RGPD3: variants seen among roughly 807,000 people sequenced by gnomAD.
RGPD3 encodes RANBP2 like and GRIP domain containing 3, also known as ranBP2-like and GRIP domain-containing protein 3.
RGPD3 carries 62 observed loss-of-function variants against 154.5 expected under a neutral mutation model. The ratio of observed to expected loss-of-function variants is 0.40; its 90% CI spans 0.33 to 0.50. The LOEUF is 0.50. Ranked by LOEUF, RGPD3 falls within the 20% of genes least tolerant of loss-of-function variation. The pLI is 0.59. For synonymous variants in RGPD3, 308 were observed against 607.0 expected, an observed-to-expected ratio of 0.51 and a Z score of 7.24; for missense variants, 919 against 1,716.8, an observed-to-expected ratio of 0.54 and a Z score of 8.21.
At chr2:106,414,111 C>T (rs368695752) in intron 21 of RGPD3, among the ~76,000 whole-genome samples, 50 of 151,940 alleles carry the variant, frequency 3.3e-4, no homozygotes, top group African/African-American at 1.2e-3. Context: ...ATGTAAAACA[C>T]TATCAGAGAA....
At chr2:106,421,084 G>A (rs940064718) in intron 20 of RGPD3, among the ~76,000 whole-genome samples, 2 of 152,202 alleles carry the variant, frequency 1.3e-5, no homozygotes, top group African/African-American at 4.8e-5. Flanking sequence ...TCCTAGCTAG[G>A]AGAAATAACA....
At chr2:106,412,293 GTTTTTTTTTTTTTTTTTTTTTT>G (rs772813472) in intron 22 of RGPD3, among the ~76,000 whole-genome samples, 1 of 45,008 alleles carries the variant, frequency 2.2e-5, no homozygotes, top group African/African-American at 8.1e-5. Flanking sequence ...CTACATCATA[GTTTTTTTTTTTTTTTTTTTTTT>G]TTTTTTTTTT....
At chr2:106,410,047 T>C (rs2104441879) in intron 22 of RGPD3, among the ~76,000 whole-genome samples, 1 of 151,908 alleles carries the variant, frequency 6.6e-6, no homozygotes, top group East Asian at 2.0e-4. Context: ...AGCTAATTTT[T>C]GTATTCTGAG....
At chr2:106,412,336 T>C (rs1362913158) in intron 22 of RGPD3, among the ~76,000 whole-genome samples, 6 of 118,324 alleles carry the variant, frequency 5.1e-5, no homozygotes, top group South Asian at 3.1e-4. Flanking sequence ...TTTTTTGAGA[T>C]GGAGTCTCGC....
chr2:106,468,160 G>A lies in RGPD3; in HGVS notation c.72+57C>T, dbSNP rs1026040885. ...AGCCATCGAGGCCGCCGCCGGGCCGGGTCGAGGCCGCCGCCCGGCCAGGTC... is the reference window on the plus strand; with the variant it reads ...AGCCATCGAGGCCGCCGCCGGGCCGAGTCGAGGCCGCCGCCCGGCCAGGTC... On this transcript the variant is annotated intron_variant, in intron 1 of 22. Transcript: ENST00000409886. The A allele has an allele frequency of 7.8e-6, 12 of 1,541,820 alleles. No individual in the cohort carries two copies. In the African/African-American group the frequency reaches 1.3e-4, roughly 16 times the overall value.
upstream of RGPD3, among the ~76,000 whole-genome samples, chr2:106,469,577 C>G (rs956386980): frequency 6.6e-6 from 1 of 152,206 alleles, no homozygotes. Context: ...ACTCACATGT[C>G]CTTTAAATAC....
chr2:106,408,910 T>C (rs1000488209), intron 22 of RGPD3, among the ~76,000 whole-genome samples: 8 of 151,488 alleles, frequency 5.3e-5, no homozygotes, highest in African/African-American at 1.9e-4. Context: ...GATTCTGAAC[T>C]CCTGTTCTCA....
At chr2:106,429,417 T>C (rs2104466655) in intron 18 of RGPD3, among the ~76,000 whole-genome samples, 1 of 151,598 alleles carries the variant, frequency 6.6e-6, no homozygotes, top group East Asian at 1.9e-4. Flanking sequence ...GTGGATTAAG[T>C]GTTCTTTAAG....
chr2:106,446,468 G>C, intron 7 of RGPD3, among the ~76,000 whole-genome samples: 1 of 148,934 alleles, frequency 6.7e-6, no homozygotes, highest in South Asian at 2.1e-4. Context: ...TACTCAGGAG[G>C]CTGAGGCAGG....
chr2:106,426,184 A>T, intron 18 of RGPD3, 96 bp from the exon 19 acceptor site: 2 of 1,465,264 alleles, frequency 1.4e-6, no homozygotes, highest in South Asian at 2.5e-5. Flanking sequence ...AGCAATAGAA[A>T]TTAAAGAAAG....
chr2:106,459,408 T>C (rs1016124454), intron 1 of RGPD3, 76 bp from the exon 2 acceptor site: 6 of 654,648 alleles, frequency 9.2e-6, no homozygotes, highest in Non-Finnish European at 1.5e-5. Context: ...AGTAAAAATC[T>C]GCCCTAAGTT....
At chr2:106,466,056 C>T (rs1678568013) in intron 1 of RGPD3, among the ~76,000 whole-genome samples, 1 of 151,930 alleles carries the variant, frequency 6.6e-6, no homozygotes, top group South Asian at 2.1e-4. Context: ...AAGAAACCCG[C>T]CGATACAGCA....
intron 1 of RGPD3, among the ~76,000 whole-genome samples, chr2:106,462,670 T>C (rs1176924874): frequency 6.6e-6 from 1 of 152,184 alleles, no homozygotes; most frequent in African/African-American, 2.4e-5. Context: ...TTTTTCATTA[T>C]GCAGTTCTGA....
Position 106,413,076 on chromosome 2 carries a change from T to C in RGPD3, c.5266+8A>G. 6.2e-7 allele frequency: 1 copy of C among 1,610,256 alleles called. No homozygotes were observed. Among genetic ancestry groups the C allele is most frequent in the Non-Finnish European group, 8.5e-7 (1 of 1,179,510 alleles). ...AGTCAGAAGTTCTGAGACTCTCCTT[T>C]TACCCACCTTGAGCAACCGCAGCAA... On this transcript the variant is annotated splice_region_variant and intron_variant, in intron 22 of 22. Transcript: ENST00000409886.
At chr2:106,428,630 C>A (rs1222814452) in intron 18 of RGPD3, among the ~76,000 whole-genome samples, 1 of 151,844 alleles carries the variant, frequency 6.6e-6, no homozygotes, top group African/African-American at 2.4e-5. Context: ...TGAACCATCA[C>A]ACAAATGTGC....
intron 1 of RGPD3, among the ~76,000 whole-genome samples, chr2:106,463,336 C>T (rs1439600994): frequency 1.3e-5 from 2 of 152,380 alleles, no homozygotes; most frequent in East Asian, 3.9e-4. Context: ...ATTAGCCGGG[C>T]ATGGTGGCGC....
chr2:106,421,141 G>C (rs901296216), intron 20 of RGPD3, among the ~76,000 whole-genome samples: 3 of 152,108 alleles, frequency 2.0e-5, no homozygotes, highest in African/African-American at 7.2e-5. Context: ...GTATTACTCA[G>C]TAAAGACACC....
chr2:106,410,177 AC>A (rs779023662), intron 22 of RGPD3, among the ~76,000 whole-genome samples: 1 of 152,046 alleles, frequency 6.6e-6, no homozygotes, highest in Non-Finnish European at 1.5e-5. Context: ...GCCAGGCCTT[AC>A]ATTCTCTCTC....
chr2:106,439,080 A>G lies in RGPD3; in HGVS notation c.1164T>C (p.Asp388=). 1 of 276,284 alleles carries G rather than the reference A, an allele frequency of 3.6e-6. No individual in the cohort carries two copies. 17.1% of individuals were successfully genotyped at this position (276,284 alleles called of 1,614,324 possible). A position where few individuals can be genotyped will look rare whatever the true frequency, so the allele number is the denominator to read the frequency against. Reference sequence around the variant, plus strand: ...TAGGTGACTGACTAGAAAACAGAGCATCATATAATGCAGACTGCCCGCTTT... The same window carrying G: ...TAGGTGACTGACTAGAAAACAGAGCGTCATATAATGCAGACTGCCCGCTTT... ...ANKSGQSALY[D]ALFSSQSPKD... is the part of the protein sequence containing the mutation. Residue 388 remains aspartate (D), a synonymous_variant, in exon 9 of 23, where the codon GAT becomes GAC. Coordinates refer to ENST00000409886, the MANE Select transcript of RGPD3 (RefSeq NM_001144013.2).
Sources: gnomAD v4.1 joint callset for allele counts (sites outside exome capture counted in the v4.1 genomes callset) on GRCh38, gnomAD v4.1.1 for gene constraint, MANE v1.5 for transcripts, NCBI Gene and HGNC (gene_info 2026-07-23, HGNC 2026-07-21) for gene names.